The following MMS19 variants were observed in gnomAD, a reference collection of about 807,000 sequenced individuals.
MMS19 encodes MMS19 nucleotide excision repair protein homolog.
MMS19 carries 77 observed loss-of-function variants against 129.8 expected under a neutral mutation model. The ratio of observed to expected loss-of-function variants is 0.59; its 90% CI spans 0.49 to 0.72. The LOEUF (loss-of-function observed/expected upper bound fraction) is 0.72. MMS19 is among the 30% of genes least tolerant of loss of function. The pLI, the probability that MMS19 is intolerant of heterozygous loss-of-function variation, is 0.00. For missense variants in MMS19, 1,168 were observed against 1,266.3 expected (o/e 0.92, Z 1.18); for synonymous variants, 491 against 502.8 (o/e 0.98, Z 0.31).
At position 97,477,385 on chromosome 10, in the gene MMS19, T is replaced by C. The variant is rs1564666036; in HGVS notation, c.455A>G (p.Tyr152Cys). ...TCGCATAAAATTGGTGATGATATTG[T>C]AGACTGTGTGTCGGTCCACCTGTGG... is the stretch of plus-strand genomic sequence containing the variant. ...SLPQVDRHTV[Y>C]NIITNFMRTR... The change falls in exon 6 of 31, where the codon TAC becomes TGC. Residue 152 changes from tyrosine to cysteine, a missense_variant. By Grantham distance (194) the Tyr-to-Cys change is radical (BLOSUM62 -2). Transcript: ENST00000438925. 3 of 1,614,008 alleles carry C rather than the reference T, an allele frequency of 1.9e-6. No homozygotes were observed. Among genetic ancestry groups the C allele is most frequent in the Non-Finnish European group, 1.7e-6 (2 of 1,179,884 alleles).
intron 19 of MMS19, among the ~76,000 whole-genome samples, chr10:97,463,429 G>A (rs2032609379): frequency 6.6e-6 from 1 of 152,210 alleles, no homozygotes. Context: ...GAAGTGCTGG[G>A]ATTACAGGTG....
In MMS19 at chr10:97,461,996, TG is replaced by T; in HGVS notation, c.2115+20del. ...CCTAAAAAAAAACCAGCTTGAAGGA[TG>T]TAAGTTCTAAGACTGTTACCTGGAA... On this transcript the variant is annotated intron_variant, in intron 21 of 30. Coordinates refer to ENST00000438925, the MANE Select transcript of MMS19 (RefSeq NM_022362.5). 1.3e-6 allele frequency: 2 copies of T among 1,575,066 alleles called. No individual in the cohort carries two copies. The highest frequency in any genetic ancestry group is 1.9e-5 in the Admixed American group (1 of 53,786).
intron 1 of MMS19, among the ~76,000 whole-genome samples, chr10:97,485,620 G>C (rs1020148497): frequency 6.6e-6 from 1 of 151,902 alleles, no homozygotes; most frequent in African/African-American, 2.4e-5. Context: ...CCTAATTTTT[G>C]TATTTTTAGT....
chr10:97,479,498 CA>C (rs1336077951), intron 3 of MMS19, among the ~76,000 whole-genome samples: 2 of 152,246 alleles, frequency 1.3e-5, no homozygotes, highest in East Asian at 3.9e-4. Context: ...GGCATCTCTA[CA>C]GGGGGGAATG....
intron 8 of MMS19, among the ~76,000 whole-genome samples, chr10:97,476,002 A>G (rs966171180): frequency 3.9e-5 from 6 of 152,180 alleles, no homozygotes; most frequent in Non-Finnish European, 7.4e-5. Flanking sequence ...AGGCAGTGAG[A>G]GTCAATATGC....
chr10:97,482,792 A>G (rs940741259), intron 2 of MMS19, among the ~76,000 whole-genome samples: 2 of 140,564 alleles, frequency 1.4e-5, no homozygotes, highest in Non-Finnish European at 3.3e-5. Flanking sequence ...ATGGACTCTC[A>G]CTCTGTCACC....
At chr10:97,466,642 C>G in intron 15 of MMS19, 57 bp from the exon 16 acceptor site, 1 of 1,577,032 alleles carries the variant, frequency 6.3e-7, no homozygotes. Context: ...CATCACAACC[C>G]TTCTAAGCTC....
At chr10:97,480,849 C>T (rs1040862974) in intron 3 of MMS19, 93 bp downstream of exon 3, 2 of 801,048 alleles carry the variant, frequency 2.5e-6, no homozygotes, top group Non-Finnish European at 4.3e-6. Context: ...ATACTTTAAG[C>T]CCTCCCTCCC....
At chr10:97,470,674 TA>T in intron 9 of MMS19, 100 bp downstream of exon 9, 1 of 724,856 alleles carries the variant, frequency 1.4e-6, no homozygotes. Context: ...TGTCATGCCC[TA>T]AAATGTATAC....
Position 97,464,104 on chromosome 10 carries a change from GTGAC to G in MMS19, c.1757-95_1757-92del. The G allele has an allele frequency of 3.3e-6, 4 of 1,203,656 alleles. No individual in the cohort carries two copies. In the South Asian group the frequency reaches 5.6e-5, roughly 17 times the overall value. 74.6% of individuals were successfully genotyped at this position (1,203,656 alleles called of 1,614,324 possible). Reference sequence around the variant, plus strand: ...CAGCAGATGAGAGGAACAAAGAAGAGTGACTGAAGGGACCAAGAGTGCCTTATTA... The same window carrying G: ...CAGCAGATGAGAGGAACAAAGAAGAGTGAAGGGACCAAGAGTGCCTTATTA... On this transcript the variant is annotated intron_variant, in intron 18 of 30. Coordinates refer to ENST00000438925, the MANE Select transcript of MMS19 (RefSeq NM_022362.5).
At chr10:97,483,679 G>C (rs2037297778) in intron 2 of MMS19, among the ~76,000 whole-genome samples, 1 of 152,230 alleles carries the variant, frequency 6.6e-6, no homozygotes, top group Admixed American at 6.5e-5. Context: ...TCCTAGTAGG[G>C]ATCTGCAGCA....
intron 1 of MMS19, among the ~76,000 whole-genome samples, chr10:97,487,318 C>CTTTTTT (rs201462938): frequency 1.5e-5 from 2 of 137,666 alleles, no homozygotes; most frequent in Non-Finnish European, 3.1e-5. Flanking sequence ...GAGAAAATTT[C>CTTTTTT]TTTTTTTTTT....
intron 8 of MMS19, among the ~76,000 whole-genome samples, chr10:97,473,515 C>T (rs1051801857): frequency 2.0e-5 from 3 of 150,932 alleles, no homozygotes; most frequent in African/African-American, 7.3e-5. Flanking sequence ...AATATGTGAA[C>T]TCAGGAAACA....
chr10:97,482,294 C>T (rs1375242026), intron 2 of MMS19, among the ~76,000 whole-genome samples: 7 of 152,140 alleles, frequency 4.6e-5, no homozygotes, highest in African/African-American at 7.2e-5. Context: ...TCCAGATGTC[C>T]GTCCACTGAT....
intron 1 of MMS19, among the ~76,000 whole-genome samples, chr10:97,492,060 C>T (rs986481960): frequency 3.9e-4 from 59 of 149,392 alleles, no homozygotes; most frequent in African/African-American, 1.4e-3. Flanking sequence ...ATCACCTGAA[C>T]CTGGGAGGCA....
chr10:97,461,186 G>A (rs2031783661), intron 23 of MMS19, 179 bp from the exon 24 acceptor site: 2 of 620,152 alleles, frequency 3.2e-6, no homozygotes, highest in Admixed American at 6.0e-5. Flanking sequence ...TCATAATACA[G>A]AGGTGCTGCC....
At position 97,476,942 on chromosome 10, in the gene MMS19, T is replaced by G; in HGVS notation, c.515A>C (p.Asp172Ala). 6.2e-7 allele frequency: 1 copy of G among 1,613,854 alleles called. No homozygotes were observed. The highest frequency in any genetic ancestry group is 8.5e-7 in the Non-Finnish European group (1 of 1,179,784). The part of the protein sequence containing the change: ...REEELKSLGA[D>A]FTFGFIQVMD... The stretch of plus-strand genomic sequence containing the variant: ...CACCTGGATGAAGCCAAAGGTGAAG[T>G]CAGCTCCTAGGCTCTTTAGCTCTGG... The change falls in exon 7 of 31, where the codon GAC becomes GCC. Residue 172 changes from aspartate to alanine, a missense_variant. By Grantham distance (126) the Asp-to-Ala change is moderately radical (BLOSUM62 -2). This residue lies in a region of MMS19 where 329 missense variants were observed against 328.6 expected (regional missense o/e 1.00). Coordinates refer to ENST00000438925, the MANE Select transcript of MMS19 (RefSeq NM_022362.5).
chr10:97,467,499 C>T lies in MMS19; in HGVS notation c.1297+6G>A. 6.2e-7 allele frequency: 1 copy of T among 1,610,746 alleles called. No homozygotes were observed. Among genetic ancestry groups the T allele is most frequent in the Non-Finnish European group, 8.5e-7 (1 of 1,177,076 alleles). On this transcript the variant is annotated splice_donor_region_variant and intron_variant, in intron 14 of 30. Coordinates refer to ENST00000438925, the MANE Select transcript of MMS19 (RefSeq NM_022362.5). ...CCCAGAGCACTGCAATGGAAGGCAA[C>T]CTCACCTTTGTCTTCATAGCTCCAT... is the stretch of plus-strand genomic sequence containing the variant.
chr10:97,476,867 A>T lies in MMS19; in HGVS notation c.590T>A (p.Val197Asp). The T allele has an allele frequency of 4.3e-6, 7 of 1,614,008 alleles. No individual in the cohort carries two copies. The highest frequency in any genetic ancestry group is 5.9e-6 in the Non-Finnish European group (7 of 1,179,886). Residue 197 changes from valine (V) to aspartate (D), a missense_variant, in exon 7 of 31, where the codon GTC (valine) becomes GAC (aspartate). Physicochemically the swap from Val to Asp is radical, Grantham distance 152. Coordinates refer to ENST00000438925, the MANE Select transcript of MMS19 (RefSeq NM_022362.5). ...PRNLLVAFRI[V>D]HDLISRDYSL... The stretch of plus-strand genomic sequence containing the variant: ...ATAGTCCCTGGAGATGAGGTCATGG[A>T]CGATGCGGAAGGCCACCAGAAGATT...
Sources: gnomAD v4.1 joint callset for allele counts (sites outside exome capture counted in the v4.1 genomes callset) on GRCh38, gnomAD v4.1.1 for gene constraint, gnomAD v4.1.1 regional missense constraint, MANE v1.5 for transcripts, NCBI Gene and HGNC (gene_info 2026-07-23, HGNC 2026-07-21) for gene names.